COX10: variants seen among roughly 807,000 people sequenced by gnomAD.
The protein encoded by COX10 is protoheme IX farnesyltransferase, mitochondrial.
COX10 carries 27 observed loss-of-function variants against 37.3 expected under a neutral mutation model. The observed-to-expected ratio is 0.72, with a 90% CI of 0.53 to 1.00. The LOEUF (loss-of-function observed/expected upper bound fraction) is 1.00. Ranked by LOEUF, COX10 falls within the 50% of genes least tolerant of loss-of-function variation. COX10 has a pLI of 0.00. For synonymous variants in COX10, 222 were observed against 229.1 expected, an observed-to-expected ratio of 0.97 and a Z score of 0.28; for missense variants, 475 against 563.2, an observed-to-expected ratio of 0.84 and a Z score of 1.59.
At chr17:14,195,016 A>G (rs1906326139) in intron 6 of COX10, among the ~76,000 whole-genome samples, 1 of 152,232 alleles carries the variant, frequency 6.6e-6, no homozygotes, top group Admixed American at 6.5e-5. Context: ...TTAAAGATGC[A>G]TTGTGGGGCA....
chr17:14,076,865 C>T lies in COX10; in HGVS notation c.308C>T (p.Ser103Leu). Reference protein sequence around the residue: ...KAEIYEMRPLSPPSLSLSRKP... With the variant: ...KAEIYEMRPLLPPSLSLSRKP... Reference sequence around the variant, plus strand: ...GAAATATATGAGATGAGACCTCTCTCACCGCCCAGCCTATCTTTGTCCAGA... The same window carrying T: ...GAAATATATGAGATGAGACCTCTCTTACCGCCCAGCCTATCTTTGTCCAGA... The change falls in exon 3 of 7, where the codon TCA (serine) becomes TTA (leucine). Residue 103 changes from serine to leucine, a missense_variant. Ser to Leu is a moderately radical substitution (Grantham distance 145). This residue lies in a region of COX10 where 242 missense variants were observed against 242.5 expected (regional missense o/e 1.00). Coordinates refer to ENST00000261643, the MANE Select transcript of COX10 (RefSeq NM_001303.4). 6.2e-7 allele frequency: 1 copy of T among 1,614,184 alleles called. No individual in the cohort carries two copies. The highest frequency in any genetic ancestry group is 8.5e-7 in the Non-Finnish European group (1 of 1,180,030).
At chr17:14,168,718 T>G (rs753721301) in intron 5 of COX10, among the ~76,000 whole-genome samples, 150 of 152,166 alleles carry the variant, frequency 9.9e-4, no homozygotes, top group Non-Finnish European at 1.9e-3. Context: ...TAGCCCCAGC[T>G]GGAGCTGGAA....
chr17:14,129,164 T>A (rs1161213057), intron 4 of COX10, among the ~76,000 whole-genome samples: 1 of 149,138 alleles, frequency 6.7e-6, no homozygotes, highest in African/African-American at 2.4e-5. Flanking sequence ...TTTTTTTTTT[T>A]AAACACTGGT....
At chr17:14,203,581 C>T (rs1371355577) in intron 6 of COX10, among the ~76,000 whole-genome samples, 1 of 152,130 alleles carries the variant, frequency 6.6e-6, no homozygotes, top group Non-Finnish European at 1.5e-5. Flanking sequence ...CAAAGCCTGC[C>T]CCTAGTGTCA....
At chr17:14,118,878 CTTT>C (rs1033368789) in intron 4 of COX10, among the ~76,000 whole-genome samples, 1 of 141,858 alleles carries the variant, frequency 7.0e-6, no homozygotes, top group Admixed American at 7.1e-5. Flanking sequence ...AGTCAGGGAG[CTTT>C]TTTTTTTTCA....
At chr17:14,171,632 G>A (rs1362364363) in intron 5 of COX10, among the ~76,000 whole-genome samples, 2 of 151,630 alleles carry the variant, frequency 1.3e-5, no homozygotes, top group African/African-American at 4.9e-5. Flanking sequence ...CATTCTGCCT[G>A]TTCCCTGCTG....
chr17:14,105,770 T>C (rs1262468311), intron 4 of COX10, among the ~76,000 whole-genome samples: 2 of 152,120 alleles, frequency 1.3e-5, no homozygotes, highest in Non-Finnish European at 2.9e-5. Context: ...CAAACAAATA[T>C]CTTGCTTTTG....
chr17:14,137,532 A>G (rs1457120518), intron 4 of COX10, among the ~76,000 whole-genome samples: 4 of 151,932 alleles, frequency 2.6e-5, no homozygotes, highest in Admixed American at 6.6e-5. Context: ...GTGAAAGTAA[A>G]TACTTACATC....
intron 1 of COX10, among the ~76,000 whole-genome samples, chr17:14,073,448 TA>T (rs1915075156): frequency 6.6e-6 from 1 of 152,142 alleles, no homozygotes; most frequent in Non-Finnish European, 1.5e-5. Flanking sequence ...AAAACACTCT[TA>T]AAGACATTTT....
intron 4 of COX10, among the ~76,000 whole-genome samples, chr17:14,129,888 C>T (rs1219679122): frequency 1.3e-5 from 2 of 152,144 alleles, no homozygotes; most frequent in African/African-American, 4.8e-5. Flanking sequence ...TTTTCTTCAG[C>T]CTGTGCATCA....
At chr17:14,150,943 T>C (rs1904876326) in intron 4 of COX10, among the ~76,000 whole-genome samples, 1 of 152,236 alleles carries the variant, frequency 6.6e-6, no homozygotes, top group Admixed American at 6.5e-5. Flanking sequence ...TAAGGGTTGA[T>C]ATTACTGCAT....
intron 4 of COX10, among the ~76,000 whole-genome samples, chr17:14,141,473 T>A (rs1467109807): frequency 7.4e-6 from 1 of 134,476 alleles, no homozygotes; most frequent in East Asian, 2.2e-4. Context: ...GAGGTTGCAG[T>A]GAGCTGAGAT....
intron 4 of COX10, among the ~76,000 whole-genome samples, chr17:14,112,669 C>T (rs1916028716): frequency 6.6e-6 from 1 of 152,122 alleles, no homozygotes; most frequent in Non-Finnish European, 1.5e-5. Context: ...CTGTGAAGGT[C>T]ACGAAAGCTT....
At chr17:14,083,117 A>G (rs1915333604) in intron 3 of COX10, among the ~76,000 whole-genome samples, 1 of 152,230 alleles carries the variant, frequency 6.6e-6, no homozygotes, top group South Asian at 2.1e-4. Context: ...AAAGGGGAGC[A>G]GCCTCACCTA....
At chr17:14,095,768 G>T (rs898211022) in intron 3 of COX10, among the ~76,000 whole-genome samples, 5 of 152,226 alleles carry the variant, frequency 3.3e-5, no homozygotes, top group Middle Eastern at 3.4e-3. Flanking sequence ...GCAACTCTAG[G>T]ACTGAAGTCC....
intron 3 of COX10, among the ~76,000 whole-genome samples, chr17:14,092,296 T>A (rs1915545552): frequency 6.6e-6 from 1 of 152,190 alleles, no homozygotes; most frequent in Admixed American, 6.5e-5. Flanking sequence ...GTGACCATAC[T>A]TAAATGCTTC....
chr17:14,104,483 A>C (rs1597502346), intron 4 of COX10, among the ~76,000 whole-genome samples: 1 of 152,164 alleles, frequency 6.6e-6, no homozygotes, highest in Non-Finnish European at 1.5e-5. Flanking sequence ...CTTAGCAAAA[A>C]GGAAGAGTTT....
chr17:14,161,776 C>G (rs1465015149), intron 5 of COX10, among the ~76,000 whole-genome samples: 2 of 152,214 alleles, frequency 1.3e-5, no homozygotes, highest in African/African-American at 4.8e-5. Flanking sequence ...CCCCCTGGGT[C>G]CTGAGGCTTT....
At chr17:14,140,509 A>G (rs1167375408) in intron 4 of COX10, among the ~76,000 whole-genome samples, 2 of 152,056 alleles carry the variant, frequency 1.3e-5, no homozygotes, top group Non-Finnish European at 2.9e-5. Context: ...GTATTTCCTT[A>G]ATATGTAGTT....
Sources: allele counts gnomAD v4.1 joint callset (sites outside exome capture counted in the v4.1 genomes callset), GRCh38; gene constraint gnomAD v4.1.1; regional missense constraint gnomAD v4.1.1; transcripts MANE v1.5; gene names NCBI Gene and HGNC (gene_info 2026-07-23, HGNC 2026-07-21).